The following ARGLU1 variants were observed in gnomAD, a reference collection of about 807,000 sequenced individuals.
ARGLU1 encodes the protein arginine and glutamate-rich protein 1.
A neutral mutation model predicts 37.6 loss-of-function variants in ARGLU1; 9 were observed. The ratio of observed to expected loss-of-function variants is 0.24; its 90% CI spans 0.14 to 0.42. The LOEUF (loss-of-function observed/expected upper bound fraction) is 0.42, where lower values mean the gene tolerates loss of function less well. ARGLU1 is among the 10% of genes least tolerant of loss of function. The pLI is 1.00. For missense variants in ARGLU1, 211 were observed against 359.2 expected (o/e 0.59, Z 3.34); for synonymous variants, 166 against 138.5 (o/e 1.20, Z -1.39).
chr13:106,563,727 A>T (rs1036004204), intron 1 of ARGLU1, among the ~76,000 whole-genome samples: 1 of 152,192 alleles, frequency 6.6e-6, no homozygotes, highest in African/African-American at 2.4e-5. Context: ...AACCTCCAAA[A>T]ATATGCGGTT....
chr13:106,557,674 T>C lies in ARGLU1; in HGVS notation c.574-543A>G. 10 of 1,551,918 alleles carry C rather than the reference T, an allele frequency of 6.4e-6. No homozygotes were observed. The highest frequency in any genetic ancestry group is 8.7e-6 in the Non-Finnish European group (10 of 1,146,758). Reference sequence around the variant, plus strand: ...TACCTGCATCAGCAGCTCAACCATTTATAAAGAAACAACATACAAGGAAGG... The same window carrying C: ...TACCTGCATCAGCAGCTCAACCATTCATAAAGAAACAACATACAAGGAAGG... On this transcript the variant is annotated intron_variant, in intron 2 of 3. Transcript: ENST00000400198. The surrounding 1 kb of genome is among the most constrained non-coding windows in gnomAD (Gnocchi z 5.0).
At chr13:106,553,110 A>G (rs1483975224) in intron 3 of ARGLU1, among the ~76,000 whole-genome samples, 1 of 152,228 alleles carries the variant, frequency 6.6e-6, no homozygotes, top group African/African-American at 2.4e-5. Context: ...GTGATAAAAA[A>G]AAGTGATATA....
chr13:106,556,557 T>C (rs1027392110), intron 3 of ARGLU1, among the ~76,000 whole-genome samples: 1 of 151,762 alleles, frequency 6.6e-6, no homozygotes, highest in African/African-American at 2.4e-5. Flanking sequence ...CCCACCCCCA[T>C]CTTTCTATAT....
intron 3 of ARGLU1, among the ~76,000 whole-genome samples, chr13:106,546,895 T>A (rs1880404393): frequency 6.6e-6 from 1 of 152,156 alleles, no homozygotes; most frequent in Admixed American, 6.5e-5. Flanking sequence ...TTTCAGTATG[T>A]CCCCCAAAGG....
chr13:106,554,019 C>T (rs962867406), intron 3 of ARGLU1, among the ~76,000 whole-genome samples: 1 of 152,192 alleles, frequency 6.6e-6, no homozygotes, highest in Non-Finnish European at 1.5e-5. Flanking sequence ...TCCTCACACT[C>T]TTGTCTACCT....
At chr13:106,564,928 G>C (rs758572351) in intron 1 of ARGLU1, among the ~76,000 whole-genome samples, 17 of 152,162 alleles carry the variant, frequency 1.1e-4, no homozygotes, top group Non-Finnish European at 2.2e-4. Flanking sequence ...AGTTGCAACA[G>C]CCACACTATA....
At chr13:106,563,723 C>T (rs1880880216) in intron 1 of ARGLU1, among the ~76,000 whole-genome samples, 1 of 152,168 alleles carries the variant, frequency 6.6e-6, no homozygotes. Flanking sequence ...CCTTAACCTC[C>T]AAAAATATGC....
intron 3 of ARGLU1, among the ~76,000 whole-genome samples, chr13:106,548,416 T>C (rs979604224): frequency 1.3e-5 from 2 of 152,290 alleles, no homozygotes; most frequent in African/African-American, 4.8e-5. Flanking sequence ...GTTTCACATT[T>C]ATGCACAAGA....
rs73588129 is a variant in ARGLU1, at chr13:106,547,018, G to A, written c.658-2858C>T. 4.4e-3 allele frequency among the ~76,000 whole-genome samples: 676 copies of A among 152,248 alleles called. 9 individuals carry two copies. The highest frequency in any genetic ancestry group is 0.015 in the African/African-American group (643 of 41,530). On this transcript the variant is annotated intron_variant, in intron 3 of 3. Coordinates refer to ENST00000400198, the MANE Select transcript of ARGLU1 (RefSeq NM_018011.4). ...GAATGGATTAATTCTGTTATTACCC[G>A]AGTGGGATGTGGGTTGGTTACCATG...
chr13:106,555,187 A>G lies in ARGLU1; in HGVS notation c.657+1861T>C, dbSNP rs1880632069. Among the ~76,000 whole-genome samples the G allele has an allele frequency of 1.3e-5, 2 of 151,930 alleles. 1 individual carries two copies. Among genetic ancestry groups the G allele is most frequent in the South Asian group, 4.2e-4 (2 of 4,806 alleles). ...AGCCTGATCAACATGGTAAAACCCC[A>G]TCTCTACTAAAACAGAAAAATTAGC... On this transcript the variant is annotated intron_variant, in intron 3 of 3. Transcript: ENST00000400198.
chr13:106,560,550 T>A (rs1325928025), intron 1 of ARGLU1, among the ~76,000 whole-genome samples: 1 of 152,230 alleles, frequency 6.6e-6, no homozygotes, highest in South Asian at 2.1e-4. Flanking sequence ...TGATCTCCTA[T>A]TTTTATTTGA....
Position 106,567,953 on chromosome 13 carries a change from G to A in ARGLU1, c.-34C>T. 1 of 1,563,094 alleles carries A rather than the reference G, an allele frequency of 6.4e-7. No individual in the cohort carries two copies. ...GAGACGCTCTAACCGCTCGCCTCAGGCCCCTCACGCGGCCAGTTCCCCTCG... is the reference window on the plus strand; with the variant it reads ...GAGACGCTCTAACCGCTCGCCTCAGACCCCTCACGCGGCCAGTTCCCCTCG... On this transcript the variant is annotated 5_prime_UTR_variant, in exon 1 of 4. Transcript: ENST00000400198. The surrounding 1 kb of genome is among the most constrained non-coding windows in gnomAD (Gnocchi z 4.3).
Position 106,566,936 on chromosome 13 carries a change from C to CT in ARGLU1, c.347+636dup, listed in dbSNP as rs372122125. Among the ~76,000 whole-genome samples, 1,393 of 146,018 alleles carry CT rather than the reference C, an allele frequency of 9.5e-3. 23 individuals are homozygous for CT. The highest frequency in any genetic ancestry group is 0.03 in the African/African-American group (1,217 of 39,958). ...TCGCACTGTACACTTAAGGTCTATG[C>CT]TTTTTTTTTTTAACATCTCAAGGAA... On this transcript the variant is annotated intron_variant, in intron 1 of 3. Coordinates refer to ENST00000400198, the MANE Select transcript of ARGLU1 (RefSeq NM_018011.4).
rs202191679 is a variant in ARGLU1, at chr13:106,557,018, A to C, written c.657+30T>G. Reference sequence around the variant, plus strand: ...AAAAAAGGAAATAAAGCAAAATACAAAACACTTTTCATGTATGCTTTACAC... The same window carrying C: ...AAAAAAGGAAATAAAGCAAAATACACAACACTTTTCATGTATGCTTTACAC... On this transcript the variant is annotated intron_variant, in intron 3 of 3. Coordinates refer to ENST00000400198, the MANE Select transcript of ARGLU1 (RefSeq NM_018011.4). This position sits in a 1 kb window ranked among gnomAD's most constrained non-coding sequence, Gnocchi z 5.0. 4.5e-5 allele frequency: 72 copies of C among 1,584,408 alleles called. No individual in the cohort carries two copies. The East Asian group carries it at 1.5e-3, about 34-fold the overall frequency.
At chr13:106,563,650 A>G (rs578199982) in intron 1 of ARGLU1, among the ~76,000 whole-genome samples, 4 of 152,334 alleles carry the variant, frequency 2.6e-5, no homozygotes, top group African/African-American at 9.6e-5. Flanking sequence ...AAAATAATAA[A>G]TAAATAAATG....
At chr13:106,563,174 G>C (rs1469112231) in intron 1 of ARGLU1, among the ~76,000 whole-genome samples, 1 of 152,006 alleles carries the variant, frequency 6.6e-6, no homozygotes, top group East Asian at 1.9e-4. Flanking sequence ...TCTAGGAATC[G>C]CTTAATAATT....
chr13:106,555,196 A>G (rs1227485328), intron 3 of ARGLU1, among the ~76,000 whole-genome samples: 1 of 151,976 alleles, frequency 6.6e-6, no homozygotes, highest in African/African-American at 2.4e-5. Context: ...CATCTCTACT[A>G]AAACAGAAAA....
chr13:106,565,667 T>C (rs1880942307), intron 1 of ARGLU1, among the ~76,000 whole-genome samples: 1 of 152,210 alleles, frequency 6.6e-6, no homozygotes, highest in African/African-American at 2.4e-5. Flanking sequence ...CTTAAGTCTT[T>C]CCATTGTTTC....
intron 3 of ARGLU1, among the ~76,000 whole-genome samples, chr13:106,553,017 G>A (rs1033316709): frequency 9.9e-5 from 15 of 152,034 alleles, no homozygotes; most frequent in East Asian, 1.9e-4. Flanking sequence ...TAGTCATTAC[G>A]GGATTCAATC....
Sources: allele counts gnomAD v4.1 joint callset (sites outside exome capture counted in the v4.1 genomes callset), GRCh38; gene constraint gnomAD v4.1.1; non-coding constraint Gnocchi (gnomAD v3.1); transcripts MANE v1.5; gene names NCBI Gene and HGNC (gene_info 2026-07-23, HGNC 2026-07-21).